The following GOLGA8A variants were observed in gnomAD, a reference collection of about 807,000 sequenced individuals.
GOLGA8A encodes golgin subfamily A member 8A.
GOLGA8A carries 3 observed loss-of-function variants against 22.1 expected under a neutral mutation model. That is an observed-to-expected ratio of 0.14 (90% CI 0.06 to 0.35). The LOEUF (loss-of-function observed/expected upper bound fraction) is 0.35, where lower values mean the gene tolerates loss of function less well. Ranked by LOEUF, GOLGA8A falls within the 10% of genes least tolerant of loss-of-function variation. GOLGA8A has a pLI of 1.00. For synonymous variants in GOLGA8A, 7 were observed against 91.7 expected, an observed-to-expected ratio of 0.08 and a Z score of 5.28; for missense variants, 16 against 233.2, an observed-to-expected ratio of 0.07 and a Z score of 6.07.
At chr15:34,414,761 G>A (rs1892529539) in intron 2 of GOLGA8A, among the ~76,000 whole-genome samples, 1 of 100,884 alleles carries the variant, frequency 9.9e-6, no homozygotes, top group African/African-American at 3.9e-5. Flanking sequence ...TAGTTCTGCA[G>A]CTCTGGGGGC....
In GOLGA8A at chr15:34,434,409, T is replaced by C. The variant is rs74007823; in HGVS notation, c.-1123+974A>G. 2.1e-4 allele frequency among the ~76,000 whole-genome samples: 31 copies of C among 148,540 alleles called. 4 individuals carry two copies. Among genetic ancestry groups the C allele is most frequent in the Admixed American group, 1.4e-3 (20 of 14,746 alleles). ...CCCCACCAGTACGCAGGGTTCCACA[T>C]AGAGAGCCTGGCTGCATGATCTTGA... On this transcript the variant is annotated intron_variant, in intron 2 of 24. Coordinates refer to ENST00000359187, the MANE Select transcript of GOLGA8A (RefSeq NM_181077.5).
intron 2 of GOLGA8A, among the ~76,000 whole-genome samples, chr15:34,427,306 G>A (rs1893025029): frequency 7.5e-6 from 1 of 134,184 alleles, no homozygotes; most frequent in Non-Finnish European, 1.6e-5. Flanking sequence ...ACTCCAGCCT[G>A]GGTGACAGAG....
chr15:34,419,938 G>C (rs929204622), intron 2 of GOLGA8A: 3 of 140,712 alleles, frequency 2.1e-5, no homozygotes, highest in African/African-American at 8.5e-5. Context: ...TAGAATGGTG[G>C]CTGCCAGGGG....
chr15:34,426,033 A>G (rs1220235398), intron 2 of GOLGA8A, among the ~76,000 whole-genome samples: 1 of 145,642 alleles, frequency 6.9e-6, no homozygotes. Context: ...CTGTCAAGAG[A>G]GCAATCTGGC....
At chr15:34,434,945 C>A (rs567249889) in intron 2 of GOLGA8A, among the ~76,000 whole-genome samples, 7 of 149,624 alleles carry the variant, frequency 4.7e-5, no homozygotes, top group South Asian at 2.1e-4. Context: ...GACCAGGCTG[C>A]AAGGCAGGGC....
intron 2 of GOLGA8A, among the ~76,000 whole-genome samples, chr15:34,431,345 A>ATCTCTCTCTCTCTCTC (rs1232402619): frequency 4.6e-5 from 6 of 130,524 alleles, no homozygotes; most frequent in African/African-American, 1.5e-4. Context: ...ATATATATAT[A>ATCTCTCTCTCTCTCTC]TCTCACACAC....
chr15:34,416,294 T>TG (rs1434960099), intron 2 of GOLGA8A: 1 of 149,162 alleles, frequency 6.7e-6, no homozygotes, highest in Admixed American at 6.8e-5. Context: ...AGATGTAATA[T>TG]ATTCACAAGT....
At position 34,434,480 on chromosome 15, in the gene GOLGA8A, G is replaced by C. The variant is rs550515569; in HGVS notation, c.-1123+903C>G. Among the ~76,000 whole-genome samples the C allele has an allele frequency of 4.0e-4, 60 of 149,500 alleles. 5 individuals are homozygous for C. In the East Asian group the frequency reaches 7.7e-3, roughly 19 times the overall value. On this transcript the variant is annotated intron_variant, in intron 2 of 24. Transcript: ENST00000359187. ...TCCCTTGTGTGTCTGGACAGGGAGAGAGGGGAGGATTGGCTTCAGGAGAGG... is the reference window on the plus strand; with the variant it reads ...TCCCTTGTGTGTCTGGACAGGGAGACAGGGGAGGATTGGCTTCAGGAGAGG...
rs1472767649 is a variant in GOLGA8A at position 34,380,486 on chromosome 15, C to A, written c.*925G>T. 1 of 152,094 alleles carries A rather than the reference C, an allele frequency of 6.6e-6. No homozygotes were observed. Among genetic ancestry groups the A allele is most frequent in the Admixed American group, 6.6e-5 (1 of 15,266 alleles). 9.4% of individuals were successfully genotyped at this position (152,094 alleles called of 1,614,324 possible). On this transcript the variant is annotated 3_prime_UTR_variant, in exon 25 of 25. Transcript: ENST00000359187. The stretch of plus-strand genomic sequence containing the variant: ...AGTCATGTGATTAAAACAGGGAACA[C>A]GAACTCTGACTTTAAAATGTATTGT...
At chr15:34,434,950 C>T (rs1893431222) in intron 2 of GOLGA8A, among the ~76,000 whole-genome samples, 1 of 149,652 alleles carries the variant, frequency 6.7e-6, no homozygotes, top group African/African-American at 2.5e-5. Flanking sequence ...GGCTGCAAGG[C>T]AGGGCATGTG....
chr15:34,434,803 T>A lies in GOLGA8A; in HGVS notation c.-1123+580A>T, dbSNP rs1297367750. ...CAGGGACTACCTTACACCCTACCTG[T>A]GCCTCCACGTCCCCAGTGCTCACGG... On this transcript the variant is annotated intron_variant, in intron 2 of 24. Transcript: ENST00000359187. Among the ~76,000 whole-genome samples, 4 of 149,442 alleles carry A rather than the reference T, an allele frequency of 2.7e-5. 1 individual carries two copies. Among genetic ancestry groups the A allele is most frequent in the Non-Finnish European group, 6.0e-5 (4 of 67,204 alleles).
intron 2 of GOLGA8A, among the ~76,000 whole-genome samples, chr15:34,431,343 A>ATCTCTCTCTCTCTCTC (rs1566914036): frequency 1.7e-5 from 2 of 119,304 alleles, no homozygotes; most frequent in African/African-American, 6.4e-5. Flanking sequence ...ATATATATAT[A>ATCTCTCTCTCTCTCTC]TATCTCACAC....
chr15:34,418,536 G>A (rs1437559103), intron 2 of GOLGA8A: 1 of 145,946 alleles, frequency 6.9e-6, no homozygotes, highest in Non-Finnish European at 1.5e-5. Flanking sequence ...CCAGCTTTGA[G>A]CTGGCAAGGC....
At chr15:34,417,658 A>T (rs2140264690) in intron 2 of GOLGA8A, 1 of 145,754 alleles carries the variant, frequency 6.9e-6, no homozygotes, top group African/African-American at 2.5e-5. Context: ...TTATTTTTGC[A>T]TTTTTACTTT....
intron 5 of GOLGA8A, 134 bp from the exon 6 acceptor site, chr15:34,400,893 C>G (rs1892037108): frequency 1.2e-5 from 1 of 82,152 alleles, no homozygotes; most frequent in Non-Finnish European, 2.9e-5. Context: ...TACTACCATC[C>G]TTAGAGTAAG....
chr15:34,410,811 C>G (rs1211642008), intron 2 of GOLGA8A, among the ~76,000 whole-genome samples: 1 of 121,272 alleles, frequency 8.2e-6, no homozygotes, highest in African/African-American at 2.9e-5. Context: ...GGACTAAAGC[C>G]GGTTGAGGGC....
chr15:34,380,136 T>A lies in GOLGA8A; in HGVS notation c.*1275A>T, dbSNP rs1891408042. On this transcript the variant is annotated 3_prime_UTR_variant, in exon 25 of 25. Transcript: ENST00000359187. ...AAGTACTCTCACATATATTAGTTTA[T>A]AATAATGTTTGTTATTACTTTCTAA... 2 of 152,364 alleles carry A rather than the reference T, an allele frequency of 1.3e-5. No individual in the cohort carries two copies. The highest frequency in any genetic ancestry group is 2.1e-4 in the South Asian group (1 of 4,834). 9.4% of individuals were successfully genotyped at this position (152,364 alleles called of 1,614,324 possible).
intron 2 of GOLGA8A, among the ~76,000 whole-genome samples, chr15:34,427,401 G>C (rs1366703623): frequency 6.8e-6 from 1 of 146,218 alleles, no homozygotes; most frequent in Non-Finnish European, 1.5e-5. Flanking sequence ...GAAAATAATC[G>C]AGTCCGTTTT....
At chr15:34,425,514 T>C (rs557415440) in intron 2 of GOLGA8A, among the ~76,000 whole-genome samples, 1 of 145,492 alleles carries the variant, frequency 6.9e-6, no homozygotes, top group Non-Finnish European at 1.5e-5. Context: ...AGGGTGGTTA[T>C]ATACATTAGG....
Sources: gnomAD v4.1 joint callset for allele counts (sites outside exome capture counted in the v4.1 genomes callset) on GRCh38, gnomAD v4.1.1 for gene constraint, MANE v1.5 for transcripts, NCBI Gene and HGNC (gene_info 2026-07-23, HGNC 2026-07-21) for gene names.